The following TMEM9 variants were observed in gnomAD, a reference collection of about 807,000 sequenced individuals.
The protein encoded by TMEM9 is transmembrane protein 9.
A neutral mutation model predicts 22.8 loss-of-function variants in TMEM9; 13 were observed. The ratio of observed to expected loss-of-function variants is 0.57; its 90% CI spans 0.37 to 0.91. The LOEUF (loss-of-function observed/expected upper bound fraction) is 0.91. Ranked by LOEUF, TMEM9 falls within the 40% of genes least tolerant of loss-of-function variation. The probability of loss-of-function intolerance (pLI) is 0.01; values close to 1 mark genes in which losing one functional copy is unlikely to be tolerated. For synonymous variants in TMEM9, 88 were observed against 93.0 expected, an observed-to-expected ratio of 0.95 and a Z score of 0.31; for missense variants, 182 against 238.1, an observed-to-expected ratio of 0.76 and a Z score of 1.55.
At chr1:201,164,344 T>G (rs1441620761) in intron 1 of TMEM9, among the ~76,000 whole-genome samples, 1 of 152,214 alleles carries the variant, frequency 6.6e-6, no homozygotes, top group African/African-American at 2.4e-5. Flanking sequence ...TGTACTATCA[T>G]TTAATAAGAT....
intron 1 of TMEM9, among the ~76,000 whole-genome samples, chr1:201,168,474 T>C (rs1247787309): frequency 1.3e-5 from 2 of 152,210 alleles, no homozygotes; most frequent in Admixed American, 1.3e-4. Flanking sequence ...ATCTCAGCAC[T>C]TTGGGAGGCT....
rs540084837 is a variant in TMEM9 at position 201,170,953 on chromosome 1, G to A, written c.-37+537C>T. 8.5e-5 allele frequency among the ~76,000 whole-genome samples: 13 copies of A among 152,374 alleles called. No homozygotes were observed. The South Asian group carries it at 2.7e-3, about 32-fold the overall frequency. On this transcript the variant is annotated intron_variant, in intron 1 of 5. Transcript: ENST00000367333. ...TGGGAGGTGGCGTCCCGCAGAATGA[G>A]AACATTTCTGTGCCGGGCCAGCAGG...
chr1:201,138,749 T>C (rs1664237196), intron 4 of TMEM9, among the ~76,000 whole-genome samples: 1 of 152,216 alleles, frequency 6.6e-6, no homozygotes, highest in African/African-American at 2.4e-5. Flanking sequence ...CCATCCCCTA[T>C]TGTAGCTGCA....
At chr1:201,141,627 GC>G (rs1182942188) in intron 4 of TMEM9, among the ~76,000 whole-genome samples, 2 of 152,116 alleles carry the variant, frequency 1.3e-5, no homozygotes, top group African/African-American at 4.8e-5. Context: ...CCATCCCAGG[GC>G]CGCAACTTCC....
chr1:201,138,203 G>A (rs538978410), intron 4 of TMEM9, among the ~76,000 whole-genome samples: 1 of 152,176 alleles, frequency 6.6e-6, no homozygotes, highest in Non-Finnish European at 1.5e-5. Context: ...GTATCTCAGG[G>A]GAGCGTCTTG....
intron 1 of TMEM9, among the ~76,000 whole-genome samples, chr1:201,153,528 T>C (rs1485077051): frequency 6.6e-6 from 1 of 152,154 alleles, no homozygotes; most frequent in Non-Finnish European, 1.5e-5. Flanking sequence ...TCCAAAAATA[T>C]CTGAAACAAA....
At chr1:201,155,663 A>G (rs1403753603), upstream of TMEM9, among the ~76,000 whole-genome samples, 1 of 152,176 alleles carries the variant, frequency 6.6e-6, no homozygotes, top group Non-Finnish European at 1.5e-5. Flanking sequence ...CTTTGGAGCT[A>G]GAGTGACCAG....
rs766742053 is a variant in TMEM9, at chr1:201,146,874, C to T, written c.159-26G>A. 117 of 1,607,994 alleles carry T rather than the reference C, an allele frequency of 7.3e-5. 1 individual carries two copies. The highest frequency in any genetic ancestry group is 7.0e-4 in the South Asian group (64 of 90,964). ...CTACAACAGAGAGAGACAGGGCTGT[C>T]GAGGCAGGGCCACCACGTCTTAGAG... On this transcript the variant is annotated intron_variant, in intron 2 of 4. Transcript: ENST00000367330.
At chr1:201,167,739 A>C (rs1439973391) in intron 1 of TMEM9, among the ~76,000 whole-genome samples, 1 of 152,206 alleles carries the variant, frequency 6.6e-6, no homozygotes, top group Non-Finnish European at 1.5e-5. Flanking sequence ...AGCCTAGGAA[A>C]AATTAAGGGC....
At chr1:201,165,719 G>A (rs1319699895) in intron 1 of TMEM9, among the ~76,000 whole-genome samples, 1 of 152,152 alleles carries the variant, frequency 6.6e-6, no homozygotes, top group Non-Finnish European at 1.5e-5. Flanking sequence ...ATAGGCGTGT[G>A]CCACCGTGCC....
chr1:201,163,311 C>T (rs1001342429), intron 1 of TMEM9, among the ~76,000 whole-genome samples: 5 of 150,040 alleles, frequency 3.3e-5, no homozygotes, highest in African/African-American at 1.2e-4. Context: ...AAAACAAGGC[C>T]GGGCGCGGTG....
intron 4 of TMEM9, among the ~76,000 whole-genome samples, chr1:201,137,935 C>T (rs1160647890): frequency 1.3e-5 from 2 of 152,192 alleles, no homozygotes; most frequent in African/African-American, 4.8e-5. Flanking sequence ...GGCCACAGTG[C>T]TAAGACCAAG....
At chr1:201,154,668 C>T (rs1665723574), upstream of TMEM9, among the ~76,000 whole-genome samples, 2 of 152,204 alleles carry the variant, frequency 1.3e-5, no homozygotes, top group Admixed American at 6.5e-5. Context: ...GGGGAAGGGT[C>T]TTGCCTTTGT....
Position 201,154,340 on chromosome 1 carries a change from G to A in TMEM9, c.-417C>T, listed in dbSNP as rs1196058014. ...GGTGCGAGTCTGGGACCCCTGCTCC[G>A]ACGGCGAAGGCCGGTGCCCACCACG... On this transcript the variant is annotated 5_prime_UTR_variant, in exon 1 of 5. Coordinates refer to ENST00000367330, the MANE Select transcript of TMEM9 (RefSeq NM_001288565.2). The A allele has an allele frequency of 1.2e-5, 2 of 173,698 alleles. No homozygotes were observed. The highest frequency in any genetic ancestry group is 2.5e-5 in the Non-Finnish European group (2 of 80,160). The allele number at this position is 173,698 out of a possible 1,614,324, so 10.8% of individuals were successfully genotyped here. A position where few individuals can be genotyped will look rare whatever the true frequency, so the allele number is the denominator to read the frequency against.
Position 201,135,627 on chromosome 1 carries a change from T to C in TMEM9, c.*36A>G. On this transcript the variant is annotated 3_prime_UTR_variant, in exon 5 of 5. Coordinates refer to ENST00000367330, the MANE Select transcript of TMEM9 (RefSeq NM_001288565.2). ...TGTCCAGCCTGGAAGCTGGCAGCCA[T>C]GGTGTTGGGGCCTTGACCCAACCAC... 2 of 1,541,486 alleles carry C rather than the reference T, an allele frequency of 1.3e-6. No individual in the cohort carries two copies.
At chr1:201,166,547 G>A (rs1461479599) in intron 1 of TMEM9, among the ~76,000 whole-genome samples, 1 of 151,804 alleles carries the variant, frequency 6.6e-6, no homozygotes, top group African/African-American at 2.4e-5. Context: ...GTTTTTAGTA[G>A]AGACGGGGTT....
At chr1:201,142,427 T>C (rs529459901) in intron 4 of TMEM9, among the ~76,000 whole-genome samples, 64 of 152,308 alleles carry the variant, frequency 4.2e-4, no homozygotes, top group African/African-American at 1.5e-3. Context: ...ACCCCATAGT[T>C]AGACCACGCT....
chr1:201,145,832 T>C (rs1453739980), intron 3 of TMEM9, among the ~76,000 whole-genome samples: 1 of 152,136 alleles, frequency 6.6e-6, no homozygotes, highest in East Asian at 1.9e-4. Flanking sequence ...TGTGGTGATG[T>C]GCACCTGTGG....
At chr1:201,138,096 C>T (rs1312923449) in intron 4 of TMEM9, among the ~76,000 whole-genome samples, 2 of 152,068 alleles carry the variant, frequency 1.3e-5, no homozygotes, top group Non-Finnish European at 2.9e-5. Context: ...TTTCTGGGAC[C>T]ATCTTTCTCA....
Sources: gnomAD v4.1 joint callset for allele counts (sites outside exome capture counted in the v4.1 genomes callset) on GRCh38, gnomAD v4.1.1 for gene constraint, MANE v1.5 for transcripts, NCBI Gene and HGNC (gene_info 2026-07-23, HGNC 2026-07-21) for gene names.